The following PANX3 variants were observed in gnomAD, a reference collection of about 807,000 sequenced individuals.
PANX3 encodes pannexin 3, also known as pannexin-3.
In PANX3, 18 loss-of-function variants were observed where a neutral mutation model predicts 31.5. The ratio of observed to expected loss-of-function variants is 0.57; its 90% CI spans 0.39 to 0.85. PANX3 has a LOEUF of 0.85. Ranked by LOEUF, PANX3 falls within the 40% of genes least tolerant of loss-of-function variation. The pLI is 0.00. For missense variants in PANX3, 426 were observed against 485.4 expected, an observed-to-expected ratio of 0.88 and a Z score of 1.15; for synonymous variants, 194 against 201.6, an observed-to-expected ratio of 0.96 and a Z score of 0.32.
At position 124,620,081 on chromosome 11, in the gene PANX3, G is replaced by A; in HGVS notation, c.*146G>A. 1 of 901,118 alleles carries A rather than the reference G, an allele frequency of 1.1e-6. No individual in the cohort carries two copies. The highest frequency in any genetic ancestry group is 1.6e-6 in the Non-Finnish European group (1 of 613,930). The allele number at this position is 901,118 out of a possible 1,614,324, so 55.8% of individuals were successfully genotyped here. ...AACTGAATCATATATCTTTTATCAT[G>A]TTATCCTAAAAGTGAGAAGACATAA... On this transcript the variant is annotated 3_prime_UTR_variant, in exon 4 of 4. Coordinates refer to ENST00000284288, the MANE Select transcript of PANX3 (RefSeq NM_052959.3).
At chr11:124,611,997 A>C (rs1237728601) in intron 1 of PANX3, among the ~76,000 whole-genome samples, 1 of 151,022 alleles carries the variant, frequency 6.6e-6, no homozygotes, top group African/African-American at 2.4e-5. Flanking sequence ...GTATTCATAT[A>C]TTTTATGTCA....
Position 124,619,606 on chromosome 11 carries a change from G to C in PANX3, c.850G>C (p.Val284Leu). 1.2e-6 allele frequency: 2 copies of C among 1,614,090 alleles called. No homozygotes were observed. The highest frequency in any genetic ancestry group is 1.7e-6 in the Non-Finnish European group (2 of 1,180,026). ...CAGTGTAGCAATATACACCATATTG[G>C]TTCCAGTGATAATATACAACCTCAC... ...LSSVAIYTIL[V>L]PVIIYNLTRL... is the part of the protein sequence containing the mutation. Residue 284 changes from valine (V) to leucine (L), a missense_variant, in exon 4 of 4, where the codon GTT (valine) becomes CTT (leucine). Physicochemically the swap from Val to Leu is conservative, Grantham distance 32. Coordinates refer to ENST00000284288, the MANE Select transcript of PANX3 (RefSeq NM_052959.3).
At chr11:124,611,887 TC>T in intron 1 of PANX3, 150 bp downstream of exon 1, 1 of 708,056 alleles carries the variant, frequency 1.4e-6, no homozygotes. Context: ...GTGCATGAGT[TC>T]AGGGCACCAG....
intron 2 of PANX3, among the ~76,000 whole-genome samples, chr11:124,615,617 T>G (rs142391915): frequency 1.3e-5 from 2 of 152,190 alleles, no homozygotes; most frequent in Non-Finnish European, 2.9e-5. Flanking sequence ...GGTTTCCTTA[T>G]CTGTAAAATA....
At chr11:124,619,119 G>GATATACTCAT (rs1863185073) in intron 3 of PANX3, among the ~76,000 whole-genome samples, 177 bp from the exon 4 acceptor site, 1 of 152,158 alleles carries the variant, frequency 6.6e-6, no homozygotes, top group Admixed American at 6.5e-5. Flanking sequence ...GGAGAATCAA[G>GATATACTCAT]ATATACTCAT....
Position 124,613,021 on chromosome 11 carries a change from C to T in PANX3, c.223C>T (p.Arg75Trp), listed in dbSNP as rs151083177. 31 of 1,614,134 alleles carry T rather than the reference C, an allele frequency of 1.9e-5. No homozygotes were observed. Among genetic ancestry groups the T allele is most frequent in the Middle Eastern group, 1.7e-4 (1 of 6,058 alleles). The change falls in exon 2 of 4, where the codon CGG becomes TGG. Residue 75 changes from arginine (R) to tryptophan (W), a missense_variant. By Grantham distance (101) the Arg-to-Trp change is moderately radical. Coordinates refer to ENST00000284288, the MANE Select transcript of PANX3 (RefSeq NM_052959.3). ...SCFSPSNFSI[R>W]QAAYVDSSCW... is the part of the protein sequence containing the mutation. ...CTTCTCTCCCAGTAACTTCAGCATC[C>T]GGCAGGCAGCCTACGTGGACAGCTC...
chr11:124,617,569 T>A (rs1339668282), intron 3 of PANX3, 81 bp downstream of exon 3: 2 of 1,384,012 alleles, frequency 1.4e-6, no homozygotes, highest in East Asian at 4.6e-5. Context: ...CTTTAAATGA[T>A]CTTCCATGCC....
At chr11:124,615,018 T>C (rs749867348) in intron 2 of PANX3, among the ~76,000 whole-genome samples, 44 of 152,064 alleles carry the variant, frequency 2.9e-4, no homozygotes, top group Non-Finnish European at 5.1e-4. Flanking sequence ...TAATTTTCTC[T>C]AGAGCCTGGT....
In PANX3 at chr11:124,617,407, G is replaced by A. The variant is rs763115347; in HGVS notation, c.458G>A (p.Arg153His). The change falls in exon 3 of 4, where the codon CGC becomes CAC. Residue 153 changes from arginine to histidine, a missense_variant. Physicochemically the swap from Arg to His is conservative, Grantham distance 29. Coordinates refer to ENST00000284288, the MANE Select transcript of PANX3 (RefSeq NM_052959.3). Reference sequence around the variant, plus strand: ...AGCGAACTGGACAAATCTTATAATCGCTCCATCCGCCTCGTGCAGCACATG... The same window carrying A: ...AGCGAACTGGACAAATCTTATAATCACTCCATCCGCCTCGTGCAGCACATG... ...IISELDKSYN[R>H]SIRLVQHMLK... The A allele has an allele frequency of 8.7e-6, 14 of 1,613,972 alleles. No individual in the cohort carries two copies. The highest frequency in any genetic ancestry group is 2.7e-5 in the African/African-American group (2 of 74,930).
chr11:124,611,779 C>G (rs1016908347), intron 1 of PANX3, 42 bp downstream of exon 1: 4 of 1,575,780 alleles, frequency 2.5e-6, no homozygotes, highest in African/African-American at 1.3e-5. Context: ...GAGACTCCCC[C>G]TCATGTCACT....
At chr11:124,613,678 G>C (rs1025432563) in intron 2 of PANX3, among the ~76,000 whole-genome samples, 13 of 152,052 alleles carry the variant, frequency 8.5e-5, no homozygotes, top group African/African-American at 2.7e-4. Context: ...GGAGCCGCTT[G>C]ACTGCCTCAC....
chr11:124,613,970 G>A (rs1020108941), intron 2 of PANX3, among the ~76,000 whole-genome samples: 1 of 151,900 alleles, frequency 6.6e-6, no homozygotes, highest in Non-Finnish European at 1.5e-5. Context: ...CATCCTAGTG[G>A]GGTTTTAGGA....
At position 124,619,410 on chromosome 11, in the gene PANX3, C is replaced by T; in HGVS notation, c.654C>T (p.Ile218=). ...TCCTGAGGAACTCCCTCTTGCTCAT[C>T]TTCACCTCCGCCACTTACCTATACC... ...TYLLRNSLLL[I]FTSATYLYLG... is the part of the protein sequence containing the mutation. Residue 218 remains isoleucine, a synonymous_variant, in exon 4 of 4, where the codon ATC becomes ATT. Coordinates refer to ENST00000284288, the MANE Select transcript of PANX3 (RefSeq NM_052959.3). The T allele has an allele frequency of 6.2e-7, 1 of 1,614,188 alleles. No homozygotes were observed. The highest frequency in any genetic ancestry group is 8.5e-7 in the Non-Finnish European group (1 of 1,180,038).
chr11:124,614,546 G>T (rs1450670112), intron 2 of PANX3, among the ~76,000 whole-genome samples: 1 of 152,048 alleles, frequency 6.6e-6, no homozygotes, highest in East Asian at 1.9e-4. Context: ...GGGATTACAG[G>T]CATAAGCCAT....
At chr11:124,614,606 T>C (rs1591368197) in intron 2 of PANX3, among the ~76,000 whole-genome samples, 2 of 151,762 alleles carry the variant, frequency 1.3e-5, no homozygotes, top group Non-Finnish European at 2.9e-5. Flanking sequence ...CAGGCTCCAC[T>C]TCAGCCTACT....
At chr11:124,619,002 C>A (rs1017925567) in intron 3 of PANX3, among the ~76,000 whole-genome samples, 2 of 152,202 alleles carry the variant, frequency 1.3e-5, no homozygotes, top group African/African-American at 2.4e-5. Context: ...ACCTAAAGAT[C>A]CTACTTCAGC....
chr11:124,613,018 A>C lies in PANX3; in HGVS notation c.220A>C (p.Ile74Leu). 1 of 1,614,132 alleles carries C rather than the reference A, an allele frequency of 6.2e-7. No homozygotes were observed. The highest frequency in any genetic ancestry group is 8.5e-7 in the Non-Finnish European group (1 of 1,180,010). ...CTGCTTCTCTCCCAGTAACTTCAGC[A>C]TCCGGCAGGCAGCCTACGTGGACAG... is the stretch of plus-strand genomic sequence containing the variant. The part of the protein sequence containing the change: ...ISCFSPSNFS[I>L]RQAAYVDSSC... The change falls in exon 2 of 4, where the codon ATC becomes CTC. Residue 74 changes from isoleucine (I) to leucine (L), a missense_variant. Transcript: ENST00000284288.
At chr11:124,613,217 C>A in intron 2 of PANX3, 95 bp downstream of exon 2, 1 of 1,399,350 alleles carries the variant, frequency 7.1e-7, no homozygotes, top group Admixed American at 2.5e-5. Context: ...CCCCACCACC[C>A]CTAACCCATT....
At chr11:124,617,152 A>G in intron 2 of PANX3, 122 bp from the exon 3 acceptor site, 2 of 829,764 alleles carry the variant, frequency 2.4e-6, no homozygotes, top group Non-Finnish European at 1.9e-6. Flanking sequence ...GGGCTAGCCC[A>G]TTCCCCAAAC....
Sources: allele counts gnomAD v4.1 joint callset (sites outside exome capture counted in the v4.1 genomes callset), GRCh38; gene constraint gnomAD v4.1.1; transcripts MANE v1.5; gene names NCBI Gene and HGNC (gene_info 2026-07-23, HGNC 2026-07-21).